The following MRAP variants were observed in gnomAD, a reference collection of about 807,000 sequenced individuals.
The protein encoded by MRAP is melanocortin 2 receptor accessory protein.
A neutral mutation model predicts 8.7 loss-of-function variants in MRAP; 8 were observed. That is an observed-to-expected ratio of 0.92 (90% CI 0.54 to 1.66). The LOEUF (loss-of-function observed/expected upper bound fraction) is 1.66, where lower values mean the gene tolerates loss of function less well. MRAP is among the 40% of genes most tolerant of loss of function. The pLI, the probability that MRAP is intolerant of heterozygous loss-of-function variation, is 0.00. For synonymous variants in MRAP, 95 were observed against 95.5 expected (o/e 1.00, Z 0.03); for missense variants, 237 against 217.1 (o/e 1.09, Z -0.58).
chr21:32,299,083 T>C lies in MRAP; in HGVS notation c.106+6T>C. The C allele has an allele frequency of 6.2e-7, 1 of 1,612,086 alleles. No individual in the cohort carries two copies. The highest frequency in any genetic ancestry group is 8.5e-7 in the Non-Finnish European group (1 of 1,178,322). On this transcript the variant is annotated splice_donor_region_variant and intron_variant, in intron 1 of 2. Transcript: ENST00000303645. Reference sequence around the variant, plus strand: ...GAAGCTGAAAGCCCACAAACGTAAGTCTGAACTAGGGAAGCCGGTCAGACA... The same window carrying C: ...GAAGCTGAAAGCCCACAAACGTAAGCCTGAACTAGGGAAGCCGGTCAGACA...
At chr21:32,314,702 A>T, downstream of MRAP, 1 of 1,575,146 alleles carries the variant, frequency 6.3e-7, no homozygotes, top group Non-Finnish European at 8.7e-7. Context: ...CATTCCTTGC[A>T]ACTCTGATGC....
At chr21:32,295,632 T>A (rs1424988009), upstream of MRAP, among the ~76,000 whole-genome samples, 2 of 152,108 alleles carry the variant, frequency 1.3e-5, no homozygotes, top group African/African-American at 4.8e-5. Flanking sequence ...TATAACAGTA[T>A]TAGTCTGCTT....
upstream of MRAP, among the ~76,000 whole-genome samples, chr21:32,297,060 T>C (rs980217550): frequency 2.0e-5 from 3 of 152,236 alleles, no homozygotes; most frequent in Non-Finnish European, 2.9e-5. Flanking sequence ...GAGCTGGTCA[T>C]TGATGGAAGC....
At chr21:32,314,506 C>G (rs753780234), downstream of MRAP, 1 of 1,560,348 alleles carries the variant, frequency 6.4e-7, no homozygotes, top group Non-Finnish European at 8.8e-7. Flanking sequence ...TTAAACATCT[C>G]TCTTCGTTTT....
chr21:32,296,357 G>A (rs1253495296), upstream of MRAP, among the ~76,000 whole-genome samples: 1 of 152,174 alleles, frequency 6.6e-6, no homozygotes, highest in African/African-American at 2.4e-5. Flanking sequence ...GCACAGTGTT[G>A]TACACACCTG....
At chr21:32,306,333 T>G (rs2032415054) in intron 1 of MRAP, 1 of 402,160 alleles carries the variant, frequency 2.5e-6, no homozygotes, top group South Asian at 2.1e-5. Context: ...TGAGCACCAC[T>G]AGGAGCCGGG....
intron 1 of MRAP, among the ~76,000 whole-genome samples, chr21:32,305,347 A>C (rs748678531): frequency 5.9e-5 from 9 of 151,848 alleles, no homozygotes; most frequent in African/African-American, 1.2e-4. Context: ...TTTTCCTGCT[A>C]TCTCTCAGGG....
At chr21:32,309,528 T>C (rs1478985839) in intron 2 of MRAP, among the ~76,000 whole-genome samples, 5 of 151,466 alleles carry the variant, frequency 3.3e-5, no homozygotes, top group South Asian at 4.2e-4. Flanking sequence ...CTCGGCTCAC[T>C]GCAACCTCCA....
In MRAP at chr21:32,306,041, G is replaced by A. The variant is rs181207346; in HGVS notation, c.107-599G>A. On this transcript the variant is annotated intron_variant, in intron 1 of 2. Transcript: ENST00000303645. ...TCCTTCCTGCCACAGCCCCTGAGATGAGACTTCCTGCCTGAGAGAGGGACT... is the reference window on the plus strand; with the variant it reads ...TCCTTCCTGCCACAGCCCCTGAGATAAGACTTCCTGCCTGAGAGAGGGACT... 1.2e-4 allele frequency among the ~76,000 whole-genome samples: 18 copies of A among 152,256 alleles called. No homozygotes were observed. In the East Asian group the frequency reaches 3.5e-3, roughly 29 times the overall value.
rs2032595905 is a variant in MRAP, at chr21:32,312,099, A to G, written c.*103A>G. 1 of 1,581,690 alleles carries G rather than the reference A, an allele frequency of 6.3e-7. No homozygotes were observed. Among genetic ancestry groups the G allele is most frequent in the Non-Finnish European group, 8.5e-7 (1 of 1,170,538 alleles). On this transcript the variant is annotated 3_prime_UTR_variant, in exon 3 of 3. Coordinates refer to ENST00000303645, the MANE Select transcript of MRAP (RefSeq NM_001379228.1). ...TAGAGGCCATTTGCATGTAGCAGAA[A>G]GGGCACCTAGGTCAAGTGCAACTAG... is the stretch of plus-strand genomic sequence containing the variant.
intron 2 of MRAP, among the ~76,000 whole-genome samples, chr21:32,309,134 C>T (rs2032489928): frequency 6.6e-6 from 1 of 152,178 alleles, no homozygotes; most frequent in African/African-American, 2.4e-5. Context: ...AAGCATGGCA[C>T]CGACATCTGC....
intron 2 of MRAP, among the ~76,000 whole-genome samples, chr21:32,293,374 A>G (rs763507252): frequency 6.6e-6 from 1 of 152,148 alleles, no homozygotes; most frequent in East Asian, 1.9e-4. Context: ...CACCAAATCT[A>G]TGTTGTTTTA....
chr21:32,304,607 C>T (rs1334888878), intron 1 of MRAP, among the ~76,000 whole-genome samples: 3 of 150,286 alleles, frequency 2.0e-5, no homozygotes, highest in African/African-American at 7.4e-5. Context: ...GATTAAGACT[C>T]TGTCTCAAAC....
chr21:32,308,318 A>C (rs2032467957), intron 2 of MRAP, among the ~76,000 whole-genome samples: 1 of 152,150 alleles, frequency 6.6e-6, no homozygotes, highest in Non-Finnish European at 1.5e-5. Flanking sequence ...CAGAGGTTGC[A>C]GTGAACCGAG....
At chr21:32,314,564 G>T (rs760821228), downstream of MRAP, 3 of 1,613,932 alleles carry the variant, frequency 1.9e-6, no homozygotes, top group Non-Finnish European at 2.5e-6. Flanking sequence ...TAACACAGAT[G>T]AATCTCTTCT....
upstream of MRAP, among the ~76,000 whole-genome samples, chr21:32,297,359 T>G (rs746685349): frequency 1.3e-5 from 2 of 152,102 alleles, no homozygotes; most frequent in African/African-American, 4.8e-5. Flanking sequence ...GCCCACATAA[T>G]GGAATATAAT....
intron 1 of MRAP, among the ~76,000 whole-genome samples, chr21:32,300,829 GTCGGATATGTCA>G (rs2032271340): frequency 3.5e-4 from 51 of 146,956 alleles, no homozygotes; most frequent in Middle Eastern, 3.9e-3. Context: ...TGTGTCCTAT[GTCGGATATGTCA>G]TGCGCCCTAT....
At chr21:32,306,282 C>G (rs2032413978) in intron 1 of MRAP, among the ~76,000 whole-genome samples, 1 of 152,132 alleles carries the variant, frequency 6.6e-6, no homozygotes, top group South Asian at 2.1e-4. Flanking sequence ...GAGCTGCCCA[C>G]AGCCCTCTCC....
downstream of MRAP, chr21:32,314,587 G>A (rs200672846): frequency 1.2e-6 from 2 of 1,614,218 alleles, no homozygotes; most frequent in Admixed American, 1.7e-5. Context: ...ATTCAGAAGT[G>A]CTGCCTCAAA....
Sources: allele counts gnomAD v4.1 joint callset (sites outside exome capture counted in the v4.1 genomes callset), GRCh38; gene constraint gnomAD v4.1.1; transcripts MANE v1.5; gene names NCBI Gene and HGNC (gene_info 2026-07-23, HGNC 2026-07-21).